Variants in ARPP21 observed in about 807,000 individuals in gnomAD.
The protein encoded by ARPP21 is cAMP regulated phosphoprotein 21, also known as cAMP-regulated phosphoprotein 21.
A neutral mutation model predicts 113.2 loss-of-function variants in ARPP21; 69 were observed. The observed-to-expected ratio is 0.61, with a 90% CI of 0.50 to 0.74. The LOEUF (loss-of-function observed/expected upper bound fraction) is 0.74. Ranked by LOEUF, ARPP21 falls within the 30% of genes least tolerant of loss-of-function variation. The pLI is 0.00. For missense variants in ARPP21, 1,070 were observed against 1,037.4 expected (o/e 1.03, Z -0.43); for synonymous variants, 368 against 375.5 (o/e 0.98, Z 0.23).
intron 13 of ARPP21, among the ~76,000 whole-genome samples, chr3:35,717,670 A>G (rs546965938): frequency 7.6e-4 from 116 of 152,242 alleles, no homozygotes; most frequent in African/African-American, 2.7e-3. Context: ...TTAAATTTTC[A>G]CTGACAGATT....
intron 19 of ARPP21, among the ~76,000 whole-genome samples, chr3:35,754,998 A>G (rs757719001): frequency 1.4e-4 from 21 of 152,074 alleles, no homozygotes; most frequent in Non-Finnish European, 2.6e-4. Context: ...CAAGTAAAGC[A>G]TACACATATA....
In ARPP21 at chr3:35,738,211, C is replaced by T; in HGVS notation, c.1645-3C>T. The T allele has an allele frequency of 6.5e-7, 1 of 1,528,196 alleles. No homozygotes were observed. Among genetic ancestry groups the T allele is most frequent in the Non-Finnish European group, 8.8e-7 (1 of 1,139,398 alleles). The allele number at this position is 1,528,196 out of a possible 1,614,324, so 94.7% of individuals were successfully genotyped here. A position where few individuals can be genotyped will look rare whatever the true frequency, so the allele number is the denominator to read the frequency against. On this transcript the variant is annotated splice_region_variant and splice_polypyrimidine_tract_variant and intron_variant, in intron 16 of 20. Coordinates refer to ENST00000684406, the MANE Select transcript of ARPP21 (RefSeq NM_001385562.1). ...CAGCTGATCAATTTTTTCTTTCCTC[C>T]AGTCTGTCCAGGGGCTGCAGGCTTC...
rs566940645 is a variant in ARPP21 at position 35,645,860 on chromosome 3, T to C, written c.-213+5462T>C. On this transcript the variant is annotated intron_variant, in intron 1 of 20. Transcript: ENST00000684406. Reference sequence around the variant, plus strand: ...CAGAACATTCTAGTCCATTGGATCATACACTAAAAAAAAATAGTTTATCCA... The same window carrying C: ...CAGAACATTCTAGTCCATTGGATCACACACTAAAAAAAAATAGTTTATCCA... Among the ~76,000 whole-genome samples the C allele has an allele frequency of 4.6e-5, 7 of 152,022 alleles. 1 individual carries two copies. The South Asian group carries it at 1.2e-3, about 27-fold the overall frequency.
intron 19 of ARPP21, among the ~76,000 whole-genome samples, chr3:35,771,492 C>T (rs1030811189): frequency 6.6e-6 from 1 of 152,020 alleles, no homozygotes; most frequent in Non-Finnish European, 1.5e-5. Flanking sequence ...TCATGCCTGG[C>T]TAATTTTTGT....
chr3:35,683,626 G>A (rs951692944), intron 4 of ARPP21, 100 bp from the exon 5 acceptor site: 2 of 688,230 alleles, frequency 2.9e-6, no homozygotes, highest in Non-Finnish European at 5.3e-6. Flanking sequence ...ATCTCATTTG[G>A]GGAAGTTATG....
At chr3:35,728,366 G>A (rs1027777413) in intron 14 of ARPP21, among the ~76,000 whole-genome samples, 8 of 151,168 alleles carry the variant, frequency 5.3e-5, no homozygotes, top group East Asian at 3.9e-4. Context: ...CTACAGGCAC[G>A]TGCCACCACG....
rs748244273 is a variant in ARPP21 at position 35,709,120 on chromosome 3, T to C, written c.897+50T>C. On this transcript the variant is annotated intron_variant, in intron 11 of 20. Transcript: ENST00000684406. ...TTTAGTGCGCTCCTTCCAACAGCAG[T>C]AAGGCTTCCTCATTCCCCAGACAGC... is the stretch of plus-strand genomic sequence containing the variant. The C allele has an allele frequency of 4.7e-6, 6 of 1,271,232 alleles. No individual in the cohort carries two copies. In the African/African-American group the frequency reaches 8.9e-5, roughly 19 times the overall value. 78.7% of individuals were successfully genotyped at this position (1,271,232 alleles called of 1,614,324 possible). A position where few individuals can be genotyped will look rare whatever the true frequency, so the allele number is the denominator to read the frequency against.
chr3:35,767,848 A>T (rs2096040820), intron 19 of ARPP21, among the ~76,000 whole-genome samples: 1 of 152,042 alleles, frequency 6.6e-6, no homozygotes, highest in Non-Finnish European at 1.5e-5. Context: ...GTACCATCAT[A>T]AAACCCTTGA....
At chr3:35,774,430 C>G (rs2096293533) in intron 19 of ARPP21, among the ~76,000 whole-genome samples, 1 of 152,132 alleles carries the variant, frequency 6.6e-6, no homozygotes, top group South Asian at 2.1e-4. Flanking sequence ...CTGAACTTAT[C>G]TAAGTGACAT....
rs1242926175 is a variant in ARPP21 at position 35,760,697 on chromosome 3, C to CA, written c.2137+16732_2137+16733insA. ...TTTAAAGATTTTGAAATTAAGCAGC[C>CA]CATCATGGCACTGTGGATATTAGAC... On this transcript the variant is annotated intron_variant, in intron 19 of 20. Coordinates refer to ENST00000684406, the MANE Select transcript of ARPP21 (RefSeq NM_001385562.1). 9.2e-5 allele frequency among the ~76,000 whole-genome samples: 14 copies of CA among 152,118 alleles called. No individual in the cohort carries two copies. The East Asian group carries it at 2.7e-3, about 30-fold the overall frequency.
intron 1 of ARPP21, among the ~76,000 whole-genome samples, chr3:35,654,351 C>T (rs1359505577): frequency 5.3e-5 from 8 of 152,094 alleles, no homozygotes; most frequent in East Asian, 1.9e-4. Context: ...TCTTCAAATA[C>T]GTGCTCTAAG....
intron 19 of ARPP21, among the ~76,000 whole-genome samples, chr3:35,789,522 A>G (rs1332720092): frequency 6.6e-6 from 1 of 152,210 alleles, no homozygotes; most frequent in Non-Finnish European, 1.5e-5. Flanking sequence ...TCATTTTGAA[A>G]TGGTAGAGTA....
At chr3:35,668,505 C>T (rs890721514) in intron 1 of ARPP21, among the ~76,000 whole-genome samples, 3 of 152,128 alleles carry the variant, frequency 2.0e-5, no homozygotes, top group Non-Finnish European at 4.4e-5. Context: ...GGTCAGGCCA[C>T]AGAGTTGCCA....
intron 19 of ARPP21, among the ~76,000 whole-genome samples, chr3:35,770,109 C>T (rs9852332): frequency 0.027 from 4,035 of 152,238 alleles, 183 homozygotes; most frequent in African/African-American, 0.088. Context: ...CTACAAAATA[C>T]TCATTCAAAA....
chr3:35,754,378 C>T (rs2095504720), intron 19 of ARPP21, among the ~76,000 whole-genome samples: 1 of 151,782 alleles, frequency 6.6e-6, no homozygotes, highest in South Asian at 2.1e-4. Context: ...ATTATATTTC[C>T]AAAAGCAGAG....
At chr3:35,713,162 A>G (rs1006775104) in intron 11 of ARPP21, among the ~76,000 whole-genome samples, 3 of 152,198 alleles carry the variant, frequency 2.0e-5, no homozygotes, top group Non-Finnish European at 4.4e-5. Context: ...GAGAATGCAT[A>G]TAAGTGACAG....
intron 19 of ARPP21, among the ~76,000 whole-genome samples, chr3:35,778,667 C>T (rs529372389): frequency 9.9e-5 from 15 of 152,246 alleles, no homozygotes; most frequent in African/African-American, 3.6e-4. Flanking sequence ...CATTGCTTGA[C>T]AGGACTCTGA....
chr3:35,753,646 A>T (rs895469850), intron 19 of ARPP21, among the ~76,000 whole-genome samples: 1 of 152,054 alleles, frequency 6.6e-6, no homozygotes, highest in Non-Finnish European at 1.5e-5. Context: ...TGTATATTTG[A>T]AAAGAGACCA....
intron 7 of ARPP21, among the ~76,000 whole-genome samples, 198 bp from the exon 8 acceptor site, chr3:35,689,883 T>C (rs1478371940): frequency 1.3e-5 from 2 of 151,624 alleles, no homozygotes; most frequent in Non-Finnish European, 3.0e-5. Flanking sequence ...AGATAAGGAA[T>C]ACTCTTAAAC....
Sources: gnomAD v4.1 joint callset for allele counts (sites outside exome capture counted in the v4.1 genomes callset) on GRCh38, gnomAD v4.1.1 for gene constraint, MANE v1.5 for transcripts, NCBI Gene and HGNC (gene_info 2026-07-23, HGNC 2026-07-21) for gene names.